The following CACNA2D3 variants were observed in gnomAD, a reference collection of about 807,000 sequenced individuals.
CACNA2D3 encodes calcium voltage-gated channel auxiliary subunit alpha2delta 3, also known as voltage-dependent calcium channel subunit alpha-2/delta-3.
Under a neutral mutation model 160.6 loss-of-function variants are expected in CACNA2D3, and 60 were observed. That is an observed-to-expected ratio of 0.37 (90% CI 0.30 to 0.46). The LOEUF is 0.46. CACNA2D3 is among the 20% of genes least tolerant of loss of function. CACNA2D3 has a pLI of 1.00. For missense variants in CACNA2D3, 1,205 were observed against 1,365.0 expected (o/e 0.88, Z 1.85); for synonymous variants, 558 against 492.9 (o/e 1.13, Z -1.75).
intron 27 of CACNA2D3, chr3:54,925,232 G>A: frequency 6.3e-7 from 1 of 1,595,642 alleles, no homozygotes; most frequent in Non-Finnish European, 8.6e-7. Flanking sequence ...CAAACAGAAA[G>A]AAATTGGGAT....
intron 11 of CACNA2D3, among the ~76,000 whole-genome samples, chr3:54,675,741 C>CA (rs1700233125): frequency 6.6e-6 from 1 of 152,148 alleles, no homozygotes; most frequent in Non-Finnish European, 1.5e-5. Flanking sequence ...TCTCAACAGT[C>CA]AAAGAAGTTT....
At chr3:54,573,020 A>G (rs1209634520) in intron 8 of CACNA2D3, among the ~76,000 whole-genome samples, 2 of 152,180 alleles carry the variant, frequency 1.3e-5, no homozygotes, top group Non-Finnish European at 2.9e-5. Context: ...AAAAGTAGGC[A>G]TGCCAGTTAT....
At chr3:54,837,855 T>C (rs554579836) in intron 15 of CACNA2D3, among the ~76,000 whole-genome samples, 1 of 152,322 alleles carries the variant, frequency 6.6e-6, no homozygotes, top group East Asian at 1.9e-4. Context: ...CCACGCTAAA[T>C]CCACGATGAT....
chr3:54,212,999 C>T (rs1371536091), intron 2 of CACNA2D3, among the ~76,000 whole-genome samples: 1 of 152,128 alleles, frequency 6.6e-6, no homozygotes, highest in East Asian at 1.9e-4. Context: ...TGGTTCCTCA[C>T]AAGTAGCCTT....
At chr3:54,760,348 G>C (rs749977887) in intron 12 of CACNA2D3, among the ~76,000 whole-genome samples, 2 of 152,110 alleles carry the variant, frequency 1.3e-5, no homozygotes, top group Middle Eastern at 3.2e-3. Flanking sequence ...GGAGGGGAAC[G>C]CAGTTGGCAT....
intron 2 of CACNA2D3, among the ~76,000 whole-genome samples, chr3:54,191,734 C>G (rs147114686): frequency 6.6e-6 from 1 of 152,216 alleles, no homozygotes; most frequent in Non-Finnish European, 1.5e-5. Context: ...GGGGCAAGTT[C>G]TGTAACTTCT....
chr3:54,532,786 T>C (rs1031657899), intron 5 of CACNA2D3, among the ~76,000 whole-genome samples: 1 of 152,236 alleles, frequency 6.6e-6, no homozygotes, highest in African/African-American at 2.4e-5. Flanking sequence ...CTTTTTGATA[T>C]ACTGACTTCT....
chr3:54,500,545 C>G (rs142571942), intron 4 of CACNA2D3, among the ~76,000 whole-genome samples: 2,969 of 147,492 alleles, frequency 0.02, 86 homozygotes, highest in East Asian at 0.11. Context: ...TCCTTCCTTC[C>G]TTCCTTCCTT....
intron 5 of CACNA2D3, among the ~76,000 whole-genome samples, chr3:54,512,413 G>A (rs960162485): frequency 6.6e-6 from 1 of 152,196 alleles, no homozygotes; most frequent in Admixed American, 6.5e-5. Context: ...TTTACTGAGA[G>A]CTCAATTGTT....
intron 2 of CACNA2D3, among the ~76,000 whole-genome samples, chr3:54,260,927 C>T (rs115071175): frequency 0.013 from 2,009 of 152,292 alleles, 28 homozygotes; most frequent in African/African-American, 0.044. Context: ...GACTCCGTCT[C>T]ATTTCCTCCA....
intron 9 of CACNA2D3, among the ~76,000 whole-genome samples, chr3:54,597,045 T>C (rs1488514505): frequency 1.3e-5 from 2 of 152,254 alleles, no homozygotes; most frequent in African/African-American, 4.8e-5. Flanking sequence ...AGGCTCTCCA[T>C]AGATAGCATT....
At chr3:54,421,531 G>C (rs1220204149) in intron 4 of CACNA2D3, among the ~76,000 whole-genome samples, 1 of 152,070 alleles carries the variant, frequency 6.6e-6, no homozygotes, top group Non-Finnish European at 1.5e-5. Flanking sequence ...GGGTCCCTTG[G>C]GAGTGTCTGC....
intron 4 of CACNA2D3, among the ~76,000 whole-genome samples, chr3:54,466,067 T>C (rs1234766406): frequency 6.6e-6 from 1 of 152,222 alleles, no homozygotes; most frequent in African/African-American, 2.4e-5. Context: ...GTTTTGAATC[T>C]CTCTGACTTT....
chr3:54,309,093 G>A (rs181698260), intron 2 of CACNA2D3, among the ~76,000 whole-genome samples: 39 of 152,358 alleles, frequency 2.6e-4, no homozygotes, highest in East Asian at 1.5e-3. Context: ...TGTATGTATA[G>A]CGTAAATATT....
chr3:54,483,549 T>C (rs1240652163), intron 4 of CACNA2D3, among the ~76,000 whole-genome samples: 1 of 152,258 alleles, frequency 6.6e-6, no homozygotes, highest in Non-Finnish European at 1.5e-5. Context: ...GTCAAGGCAC[T>C]AAATGGATTT....
At chr3:54,338,467 C>CTCTGTGTGTGTGTGTGTGTGTGTGTGTG (rs996617901) in intron 3 of CACNA2D3, among the ~76,000 whole-genome samples, 31 of 136,526 alleles carry the variant, frequency 2.3e-4, no homozygotes, top group African/African-American at 8.6e-4. Context: ...TCTCCCCTCC[C>CTCTGTGTGTGTGTGTGTGTGTGTGTGTG]TGTGTGTGTG....
At chr3:54,681,516 C>T (rs925890226) in intron 11 of CACNA2D3, among the ~76,000 whole-genome samples, 4 of 144,062 alleles carry the variant, frequency 2.8e-5, no homozygotes, top group Non-Finnish European at 6.0e-5. Flanking sequence ...AGATCGCATT[C>T]ACTGCACTCC....
intron 2 of CACNA2D3, among the ~76,000 whole-genome samples, chr3:54,225,344 T>C (rs929680185): frequency 3.9e-5 from 6 of 152,238 alleles, no homozygotes; most frequent in African/African-American, 1.4e-4. Context: ...GAATATCTTT[T>C]ATCACCTTCT....
intron 27 of CACNA2D3, among the ~76,000 whole-genome samples, chr3:54,952,697 C>T (rs1335905500): frequency 6.6e-6 from 1 of 152,106 alleles, no homozygotes; most frequent in Non-Finnish European, 1.5e-5. Context: ...ATTCTGGTGC[C>T]CGCATAGTTC....
Sources: gnomAD v4.1 joint callset for allele counts (sites outside exome capture counted in the v4.1 genomes callset) on GRCh38, gnomAD v4.1.1 for gene constraint, MANE v1.5 for transcripts, NCBI Gene and HGNC (gene_info 2026-07-23, HGNC 2026-07-21) for gene names.